The following CTTNBP2NL variants were observed in gnomAD, a reference collection of about 807,000 sequenced individuals.
The protein encoded by CTTNBP2NL is CTTNBP2 N-terminal-like protein.
CTTNBP2NL carries 16 observed loss-of-function variants against 32.5 expected under a neutral mutation model. The ratio of observed to expected loss-of-function variants is 0.49; its 90% CI spans 0.33 to 0.75. The LOEUF is 0.75. Ranked by LOEUF, CTTNBP2NL falls within the 30% of genes least tolerant of loss-of-function variation. CTTNBP2NL has a pLI of 0.02. For synonymous variants in CTTNBP2NL, 298 were observed against 289.4 expected (o/e 1.03, Z -0.30); for missense variants, 645 against 756.0 (o/e 0.85, Z 1.72).
At chr1:112,421,758 C>T (rs1342408273) in intron 3 of CTTNBP2NL, among the ~76,000 whole-genome samples, 1 of 152,044 alleles carries the variant, frequency 6.6e-6, no homozygotes, top group Non-Finnish European at 1.5e-5. Flanking sequence ...TTGAGGTGAC[C>T]CATTCCCATC....
Position 112,428,799 on chromosome 1 carries a change from T to G in CTTNBP2NL, c.99+12535T>G, listed in dbSNP as rs532415129. Among the ~76,000 whole-genome samples, 3 of 152,184 alleles carry G rather than the reference T, an allele frequency of 2.0e-5. No homozygotes were observed. In the East Asian group the frequency reaches 5.8e-4, roughly 29 times the overall value. On this transcript the variant is annotated intron_variant, in intron 3 of 5. Transcript: ENST00000271277. The stretch of plus-strand genomic sequence containing the variant: ...TTATACTTCATTTTTCTTTAAATGC[T>G]GATTATGACCCCACTAGACTAGTTT...
the CTTNBP2NL span, among the ~76,000 whole-genome samples, chr1:112,391,120 C>T: frequency 1.3e-5 from 2 of 152,212 alleles, no homozygotes; most frequent in African/African-American, 2.4e-5. Context: ...TTAAGGACTG[C>T]CCAGCAAATC....
Position 112,454,382 on chromosome 1 carries a change from T to C in CTTNBP2NL, c.331-67T>C, listed in dbSNP as rs58660366. ...TCTAAGGTGCCTGATTTGGCACTTA[T>C]TATTGGTTGTATTAATAAATGTGAC... On this transcript the variant is annotated intron_variant, in intron 4 of 5. Coordinates refer to ENST00000271277, the MANE Select transcript of CTTNBP2NL (RefSeq NM_018704.3). 1.6e-3 allele frequency: 1,931 copies of C among 1,195,864 alleles called. 22 individuals carry two copies. The African/African-American group carries it at 0.024, about 15-fold the overall frequency. 74.1% of individuals were successfully genotyped at this position (1,195,864 alleles called of 1,614,324 possible).
chr1:112,438,568 C>T (rs1318518124), intron 3 of CTTNBP2NL, among the ~76,000 whole-genome samples: 3 of 152,136 alleles, frequency 2.0e-5, no homozygotes, highest in East Asian at 3.8e-4. Context: ...TTATTTATTT[C>T]TCTTGCCTGA....
At chr1:112,405,730 G>A (rs993114884) in intron 1 of CTTNBP2NL, among the ~76,000 whole-genome samples, 1 of 152,162 alleles carries the variant, frequency 6.6e-6, no homozygotes, top group African/African-American at 2.4e-5. Flanking sequence ...CATCATATAT[G>A]AGAGACAGAG....
intron 3 of CTTNBP2NL, among the ~76,000 whole-genome samples, chr1:112,422,020 A>G (rs553466844): frequency 3.3e-5 from 5 of 152,256 alleles, no homozygotes; most frequent in Admixed American, 2.0e-4. Context: ...TGATATGTGC[A>G]TACTGATGTT....
At chr1:112,424,150 C>T (rs1032634207) in intron 3 of CTTNBP2NL, among the ~76,000 whole-genome samples, 1 of 151,976 alleles carries the variant, frequency 6.6e-6, no homozygotes, top group Admixed American at 6.6e-5. Flanking sequence ...TCTTATAAGT[C>T]TCATAGTTTT....
rs191108710 is a variant in CTTNBP2NL at position 112,407,175 on chromosome 1, T to G, written c.-133-5019T>G. ...AGGCATTCTGAGAAATACTGTGTTG[T>G]AGTGCTGTCATGGTAAGAGGAAGGC... On this transcript the variant is annotated intron_variant, in intron 1 of 5. Coordinates refer to ENST00000271277, the MANE Select transcript of CTTNBP2NL (RefSeq NM_018704.3). Among the ~76,000 whole-genome samples, 63 of 152,286 alleles carry G rather than the reference T, an allele frequency of 4.1e-4. 1 individual carries two copies. Among genetic ancestry groups the G allele is most frequent in the East Asian group, 3.5e-3 (18 of 5,178 alleles).
chr1:112,421,723 G>C (rs1649239131), intron 3 of CTTNBP2NL, among the ~76,000 whole-genome samples: 2 of 151,760 alleles, frequency 1.3e-5, no homozygotes. Flanking sequence ...ACATTATCTT[G>C]TTTTTCTTAT....
chr1:112,421,288 T>C (rs1386312032), intron 3 of CTTNBP2NL, among the ~76,000 whole-genome samples: 3 of 147,058 alleles, frequency 2.0e-5, no homozygotes, highest in Admixed American at 1.4e-4. Context: ...CTTTGCAACA[T>C]AATGAGACCC....
intron 3 of CTTNBP2NL, among the ~76,000 whole-genome samples, chr1:112,419,488 A>G (rs1256653346): frequency 6.6e-6 from 1 of 152,140 alleles, no homozygotes. Flanking sequence ...CTATGATCAT[A>G]TAGTGGTTAG....
chr1:112,408,620 TAGC>T (rs965335430), intron 1 of CTTNBP2NL, among the ~76,000 whole-genome samples: 7 of 152,314 alleles, frequency 4.6e-5, no homozygotes, highest in African/African-American at 1.2e-4. Flanking sequence ...TTTTTTAAAA[TAGC>T]AGTGCATTTC....
At chr1:112,442,768 A>G (rs556543372) in intron 3 of CTTNBP2NL, among the ~76,000 whole-genome samples, 6 of 151,624 alleles carry the variant, frequency 4.0e-5, no homozygotes, top group Non-Finnish European at 8.8e-5. Flanking sequence ...TCAGCTCACT[A>G]TAACCTCCGC....
rs1650501231 is a variant in CTTNBP2NL at position 112,460,006 on chromosome 1, T to C, written c.*2594T>C. The C allele has an allele frequency of 6.6e-6, 1 of 152,158 alleles. No homozygotes were observed. The highest frequency in any genetic ancestry group is 1.9e-4 in the East Asian group (1 of 5,192). 9.4% of individuals were successfully genotyped at this position (152,158 alleles called of 1,614,324 possible). ...AACCCAGTTAGGTATTATAGATTAG[T>C]ATTTAAGTTTGCTGTAGATTGTGTG... is the stretch of plus-strand genomic sequence containing the variant. On this transcript the variant is annotated 3_prime_UTR_variant, in exon 6 of 6. Coordinates refer to ENST00000271277, the MANE Select transcript of CTTNBP2NL (RefSeq NM_018704.3).
intron 3 of CTTNBP2NL, among the ~76,000 whole-genome samples, chr1:112,437,579 A>T (rs1164566691): frequency 6.6e-6 from 1 of 152,008 alleles, no homozygotes; most frequent in Non-Finnish European, 1.5e-5. Context: ...GCTGGAGTGC[A>T]GTGGTGCCAT....
At chr1:112,399,121 C>T (rs1648419675) in intron 1 of CTTNBP2NL, among the ~76,000 whole-genome samples, 1 of 151,634 alleles carries the variant, frequency 6.6e-6, no homozygotes, top group African/African-American at 2.4e-5. Flanking sequence ...AGTTCGAGAC[C>T]AGCCTGGCCA....
intron 3 of CTTNBP2NL, 112 bp from the exon 4 acceptor site, chr1:112,448,830 G>A: frequency 1.6e-6 from 1 of 639,030 alleles, no homozygotes; most frequent in South Asian, 2.0e-5. Context: ...GTAATTAGTA[G>A]GTTACATTTA....
At chr1:112,452,961 A>G (rs1382506769) in intron 4 of CTTNBP2NL, among the ~76,000 whole-genome samples, 1 of 147,606 alleles carries the variant, frequency 6.8e-6, no homozygotes, top group Non-Finnish European at 1.5e-5. Flanking sequence ...CATTTCTACA[A>G]AAAATCAGCA....
intron 1 of CTTNBP2NL, among the ~76,000 whole-genome samples, chr1:112,411,314 A>G (rs769404095): frequency 1.4e-4 from 22 of 152,232 alleles, no homozygotes; most frequent in Non-Finnish European, 3.1e-4. Flanking sequence ...ATAAAAGGCA[A>G]AGATTACATT....
Sources: allele counts gnomAD v4.1 joint callset (sites outside exome capture counted in the v4.1 genomes callset), GRCh38; gene constraint gnomAD v4.1.1; transcripts MANE v1.5; gene names NCBI Gene and HGNC (gene_info 2026-07-23, HGNC 2026-07-21).